Variants in ZMAT4 observed in about 807,000 individuals in gnomAD.
The protein encoded by ZMAT4 is zinc finger matrin-type protein 4.
ZMAT4 carries 17 observed loss-of-function variants against 28.7 expected under a neutral mutation model. The ratio of observed to expected loss-of-function variants is 0.59; its 90% confidence interval spans 0.41 to 0.89. The LOEUF (loss-of-function observed/expected upper bound fraction) is 0.89, where lower values mean the gene tolerates loss of function less well. Among genes scored for constraint, ZMAT4 ranks in the 40% least tolerant of loss-of-function variants. ZMAT4 has a pLI of 0.00. For synonymous variants in ZMAT4, 117 were observed against 109.2 expected, an observed-to-expected ratio of 1.07 and a Z score of -0.44; for missense variants, 240 against 283.8, an observed-to-expected ratio of 0.85 and a Z score of 1.11.
intron 1 of ZMAT4, among the ~76,000 whole-genome samples, chr8:40,891,217 G>GGAGAT (rs1440958217): frequency 9.6e-5 from 4 of 41,722 alleles, no homozygotes; most frequent in Non-Finnish European, 1.9e-4. Context: ...GGAGAGGAGA[G>GGAGAT]GAGAGGAGAA....
At chr8:40,793,077 C>T (rs757983523) in intron 2 of ZMAT4, among the ~76,000 whole-genome samples, 19 of 152,158 alleles carry the variant, frequency 1.2e-4, no homozygotes, top group Admixed American at 2.6e-4. Flanking sequence ...AGAGTGAGCC[C>T]TGAGCGCAAC....
rs559983360 is a variant in ZMAT4, at chr8:40,668,247, G to A, written c.577+6457C>T. On this transcript the variant is annotated intron_variant, in intron 5 of 6. Transcript: ENST00000297737. ...AGCACTTTGGAAGTTTGAGGCAGGC[G>A]GATCACTTGAGGTCAGGATTGGAAC... Among the ~76,000 whole-genome samples the A allele has an allele frequency of 4.6e-5, 7 of 152,026 alleles. No individual in the cohort carries two copies. In the East Asian group the frequency reaches 9.7e-4, roughly 21 times the overall value.
intron 3 of ZMAT4, among the ~76,000 whole-genome samples, chr8:40,715,235 C>A (rs543989336): frequency 5.9e-5 from 9 of 151,998 alleles, no homozygotes; most frequent in Admixed American, 4.6e-4. Flanking sequence ...GCAAAGGAAA[C>A]CAGCCAAACG....
intron 2 of ZMAT4, among the ~76,000 whole-genome samples, chr8:40,819,219 T>G (rs1408076407): frequency 2.6e-5 from 4 of 152,080 alleles, no homozygotes; most frequent in Non-Finnish European, 5.9e-5. Flanking sequence ...CATTCCCAGG[T>G]GGGCTAAAAG....
chr8:40,671,680 G>A (rs1397322380), intron 5 of ZMAT4, among the ~76,000 whole-genome samples: 1 of 152,134 alleles, frequency 6.6e-6, no homozygotes, highest in Non-Finnish European at 1.5e-5. Flanking sequence ...GAGTTGACAT[G>A]GGAATTTTCC....
chr8:40,622,088 C>T (rs761244773), intron 5 of ZMAT4, among the ~76,000 whole-genome samples: 9 of 152,210 alleles, frequency 5.9e-5, no homozygotes, highest in Non-Finnish European at 1.3e-4. Context: ...TTACATCACA[C>T]ATTCCCAATA....
At chr8:40,836,798 A>T (rs147930690) in intron 1 of ZMAT4, among the ~76,000 whole-genome samples, 23 of 152,348 alleles carry the variant, frequency 1.5e-4, no homozygotes, top group African/African-American at 5.5e-4. Flanking sequence ...AAACACATGG[A>T]CAGATGTAAG....
intron 6 of ZMAT4, among the ~76,000 whole-genome samples, chr8:40,535,292 C>T (rs1802811354): frequency 6.6e-6 from 1 of 152,170 alleles, no homozygotes; most frequent in African/African-American, 2.4e-5. Context: ...CCCTTATTCT[C>T]ATCCTGAAGG....
chr8:40,846,403 C>G (rs1014759165), intron 1 of ZMAT4, among the ~76,000 whole-genome samples: 2 of 152,196 alleles, frequency 1.3e-5, no homozygotes. Context: ...GACAGCAGAG[C>G]TCTGGTCCGC....
At chr8:40,636,401 T>C (rs971334420) in intron 5 of ZMAT4, among the ~76,000 whole-genome samples, 5 of 152,208 alleles carry the variant, frequency 3.3e-5, no homozygotes, top group African/African-American at 1.2e-4. Context: ...TGTGCACATA[T>C]CCATCATGTT....
intron 2 of ZMAT4, among the ~76,000 whole-genome samples, chr8:40,772,806 C>A (rs1161698621): frequency 1.3e-5 from 2 of 152,202 alleles, no homozygotes; most frequent in Admixed American, 6.5e-5. Flanking sequence ...AAACCTGGAA[C>A]AAAGAGTGAT....
In ZMAT4 at chr8:40,840,631, A is replaced by G. The variant is rs1816667625; in HGVS notation, c.-4-14951T>C. Among the ~76,000 whole-genome samples the G allele has an allele frequency of 2.0e-5, 3 of 152,190 alleles. 1 individual carries two copies. The highest frequency in any genetic ancestry group is 4.1e-4 in the South Asian group (2 of 4,824). ...TCAGAGAGCAGATCCATTCCCAAAG[A>G]TTCAGAACTCCTCCAGGAGTCCAGA... On this transcript the variant is annotated intron_variant, in intron 1 of 6. Coordinates refer to ENST00000297737, the MANE Select transcript of ZMAT4 (RefSeq NM_024645.3).
intron 1 of ZMAT4, among the ~76,000 whole-genome samples, chr8:40,836,700 A>G (rs1325708427): frequency 6.7e-6 from 1 of 148,238 alleles, no homozygotes; most frequent in Non-Finnish European, 1.5e-5. Context: ...TAGAAAAGAT[A>G]CAACTCTAAA....
chr8:40,670,416 A>G (rs1390705037), intron 5 of ZMAT4, among the ~76,000 whole-genome samples: 1 of 152,226 alleles, frequency 6.6e-6, no homozygotes, highest in Non-Finnish European at 1.5e-5. Context: ...TACATGTAAA[A>G]GTTAAAACTA....
chr8:40,791,982 C>T (rs1436978249), intron 2 of ZMAT4, among the ~76,000 whole-genome samples: 3 of 152,206 alleles, frequency 2.0e-5, no homozygotes, highest in Non-Finnish European at 4.4e-5. Flanking sequence ...TGTTGCTATC[C>T]ACCCACAGCA....
At chr8:40,617,287 C>A (rs973509520) in intron 5 of ZMAT4, among the ~76,000 whole-genome samples, 6 of 152,192 alleles carry the variant, frequency 3.9e-5, no homozygotes, top group South Asian at 2.1e-4. Flanking sequence ...TTGATGTACA[C>A]AAGAAGTTTC....
chr8:40,741,024 A>G (rs996636911), intron 3 of ZMAT4, among the ~76,000 whole-genome samples: 1 of 151,692 alleles, frequency 6.6e-6, no homozygotes, highest in African/African-American at 2.4e-5. Context: ...ACACACACGC[A>G]CACACAGCTA....
chr8:40,689,964 A>C (rs1809588440), intron 4 of ZMAT4, among the ~76,000 whole-genome samples: 1 of 152,124 alleles, frequency 6.6e-6, no homozygotes, highest in Non-Finnish European at 1.5e-5. Flanking sequence ...GGATTGTGAA[A>C]ATCACCTAGG....
chr8:40,889,462 A>G (rs1486142460), intron 1 of ZMAT4, among the ~76,000 whole-genome samples: 1 of 152,216 alleles, frequency 6.6e-6, no homozygotes, highest in Non-Finnish European at 1.5e-5. Context: ...AATTTGTAAA[A>G]TAACATGTTT....
Sources: gnomAD v4.1 joint callset for allele counts (sites outside exome capture counted in the v4.1 genomes callset) on GRCh38, gnomAD v4.1.1 for gene constraint, MANE v1.5 for transcripts, NCBI Gene and HGNC (gene_info 2026-07-23, HGNC 2026-07-21) for gene names.